Variants in UGT1A5 observed in about 807,000 individuals in gnomAD.
The protein encoded by UGT1A5 is UDP-glucuronosyltransferase 1A5.
UGT1A5 carries 29 observed loss-of-function variants against 40.3 expected under a neutral mutation model. The ratio of observed to expected loss-of-function variants is 0.72; its 90% CI spans 0.54 to 0.98. The LOEUF (loss-of-function observed/expected upper bound fraction) is 0.98, where lower values mean the gene tolerates loss of function less well. Ranked by LOEUF, UGT1A5 falls within the 50% of genes least tolerant of loss-of-function variation. The pLI, the probability that UGT1A5 is intolerant of heterozygous loss-of-function variation, is 0.00. For synonymous variants in UGT1A5, 257 were observed against 262.5 expected (o/e 0.98, Z 0.20); for missense variants, 678 against 677.9 (o/e 1.00, Z 0.00).
At chr2:233,729,140 T>C (rs764216877) in intron 1 of UGT1A5, 7 of 1,613,266 alleles carry the variant, frequency 4.3e-6, no homozygotes, top group East Asian at 2.2e-5. Context: ...GCCACAGGAC[T>C]CCAGGTTCCC....
At chr2:233,716,635 G>A (rs977802865) in intron 1 of UGT1A5, among the ~76,000 whole-genome samples, 5 of 151,972 alleles carry the variant, frequency 3.3e-5, no homozygotes, top group African/African-American at 4.8e-5. Context: ...AGTTTTTATC[G>A]TTTGTACTTT....
chr2:233,755,271 C>CATAG, intron 1 of UGT1A5: 1 of 755,820 alleles, frequency 1.3e-6, no homozygotes. Flanking sequence ...GTCCACTATG[C>CATAG]TGGACTGCCA....
intron 4 of UGT1A5, chr2:233,770,796 T>G (rs1486074516): frequency 6.6e-6 from 1 of 152,204 alleles, no homozygotes; most frequent in Non-Finnish European, 1.5e-5. Context: ...TATAGATATG[T>G]TTAAAGACAG....
At chr2:233,755,943 TC>T (rs1252557190) in intron 1 of UGT1A5, 1 of 62,766 alleles carries the variant, frequency 1.6e-5, no homozygotes, top group African/African-American at 8.0e-5. Context: ...TTTTTGCATC[TC>T]TCTCTTTAGT....
intron 1 of UGT1A5, among the ~76,000 whole-genome samples, chr2:233,748,384 T>C (rs546137113): frequency 6.6e-6 from 1 of 151,886 alleles, no homozygotes; most frequent in South Asian, 2.1e-4. Context: ...ATGTCCTTCA[T>C]TGGGAAGGAG....
intron 1 of UGT1A5, chr2:233,729,369 C>T (rs552638090): frequency 1.4e-5 from 23 of 1,613,926 alleles, no homozygotes; most frequent in Non-Finnish European, 1.8e-5. Flanking sequence ...CAACCTATGC[C>T]ATTTCGTGGA....
At chr2:233,731,048 G>A (rs1354846386) in intron 1 of UGT1A5, among the ~76,000 whole-genome samples, 4 of 152,194 alleles carry the variant, frequency 2.6e-5, no homozygotes, top group African/African-American at 9.7e-5. Context: ...TTCACCGAAT[G>A]TGTATGAACT....
rs1301858882 is a variant in UGT1A5 at position 233,760,759 on chromosome 2, C to T, written c.868-6275C>T. 2.5e-6 allele frequency: 4 copies of T among 1,613,948 alleles called. No homozygotes were observed. In the African/African-American group the frequency reaches 4.0e-5, roughly 16 times the overall value. On this transcript the variant is annotated intron_variant, in intron 1 of 4. Transcript: ENST00000373414. Reference sequence around the variant, plus strand: ...GACGGACCCTTTCCTTCCTTGCAGCCCCATCGTGGCCCAGTACCTGTCTCT... The same window carrying T: ...GACGGACCCTTTCCTTCCTTGCAGCTCCATCGTGGCCCAGTACCTGTCTCT...
rs563709972 is a variant in UGT1A5, at chr2:233,755,474, T to C, written c.868-11560T>C. On this transcript the variant is annotated intron_variant, in intron 1 of 4. Coordinates refer to ENST00000373414, the MANE Select transcript of UGT1A5 (RefSeq NM_019078.2). ...GGACTGGCCCTGCTCTCTGTGAGGCTCTGTGAGGCCCTGTGATGCTCCAAG... is the reference window on the plus strand; with the variant it reads ...GGACTGGCCCTGCTCTCTGTGAGGCCCTGTGAGGCCCTGTGATGCTCCAAG... 5.5e-5 allele frequency: 13 copies of C among 237,114 alleles called. 1 individual carries two copies. The South Asian group carries it at 7.1e-4, about 13-fold the overall frequency. The allele number at this position is 237,114 out of a possible 1,614,324, so 14.7% of individuals were successfully genotyped here.
At position 233,713,863 on chromosome 2, in the gene UGT1A5, G is replaced by A; in HGVS notation, c.867+5G>A. 6.2e-7 allele frequency: 1 copy of A among 1,613,884 alleles called. No individual in the cohort carries two copies. The highest frequency in any genetic ancestry group is 8.5e-7 in the Non-Finnish European group (1 of 1,179,938). On this transcript the variant is annotated splice_donor_5th_base_variant and intron_variant, in intron 1 of 4. Transcript: ENST00000373414. ...AACGGGAAGCCACTATCTCAGGTCTGTATTGGTGCCTTTATCCAATCAATG... is the reference window on the plus strand; with the variant it reads ...AACGGGAAGCCACTATCTCAGGTCTATATTGGTGCCTTTATCCAATCAATG...
intron 1 of UGT1A5, among the ~76,000 whole-genome samples, chr2:233,736,722 G>A (rs149071654): frequency 0.034 from 5,130 of 151,780 alleles, 99 homozygotes; most frequent in African/African-American, 0.051. Flanking sequence ...CCTTTTTGTT[G>A]ATGTTTATGC....
At chr2:233,771,550 T>G (rs1700326393) in intron 4 of UGT1A5, 1 of 152,254 alleles carries the variant, frequency 6.6e-6, no homozygotes, top group Non-Finnish European at 1.5e-5. Flanking sequence ...TACAAATGGC[T>G]GTTAATTTGG....
intron 1 of UGT1A5, among the ~76,000 whole-genome samples, chr2:233,749,626 A>G (rs377692778): frequency 5.9e-5 from 9 of 151,982 alleles, no homozygotes; most frequent in South Asian, 4.2e-4. Context: ...TTGGCTCTGT[A>G]TCCCCCACCA....
Position 233,772,339 on chromosome 2 carries a change from G to C in UGT1A5, c.1385G>C (p.Trp462Ser), listed in dbSNP as rs1424603943. 4.3e-6 allele frequency: 7 copies of C among 1,614,256 alleles called. No individual in the cohort carries two copies. Among genetic ancestry groups the C allele is most frequent in the Non-Finnish European group, 5.9e-6 (7 of 1,180,038 alleles). ...GAGCCGCTGGACCTGGCCGTGTTCT[G>C]GGTGGAGTTTGTGATGAGGCACAAG... ...PVEPLDLAVF[W>S]VEFVMRHKGA... is the part of the protein sequence containing the mutation. The change falls in exon 5 of 5, where the codon TGG becomes TCG. Residue 462 changes from tryptophan to serine, a missense_variant. Transcript: ENST00000373414.
At chr2:233,766,233 G>A (rs1441393259) in intron 1 of UGT1A5, among the ~76,000 whole-genome samples, 4 of 152,090 alleles carry the variant, frequency 2.6e-5, no homozygotes, top group African/African-American at 9.7e-5. Context: ...AATGGGAAGG[G>A]TTTCCCCTGG....
At chr2:233,721,350 A>C (rs2076940105) in intron 1 of UGT1A5, among the ~76,000 whole-genome samples, 1 of 152,142 alleles carries the variant, frequency 6.6e-6, no homozygotes, top group Non-Finnish European at 1.5e-5. Context: ...TATATTCTTT[A>C]GACTGAACTG....
At chr2:233,719,203 G>A (rs145806554) in intron 1 of UGT1A5, 5 of 1,614,242 alleles carry the variant, frequency 3.1e-6, no homozygotes, top group Middle Eastern at 3.3e-4. Context: ...CATAGGTGTT[G>A]TGTGGAGCTA....
intron 1 of UGT1A5, chr2:233,755,013 G>A (rs1255177181): frequency 7.7e-7 from 1 of 1,294,530 alleles, no homozygotes; most frequent in Admixed American, 1.9e-5. Flanking sequence ...CTACTCGAAG[G>A]GGTCCTTGAA....
intron 1 of UGT1A5, among the ~76,000 whole-genome samples, chr2:233,742,284 C>G (rs1006206335): frequency 6.6e-6 from 1 of 151,974 alleles, no homozygotes. Context: ...AGCATCATTT[C>G]TATAGATTAT....
Sources: gnomAD v4.1 joint callset for allele counts (sites outside exome capture counted in the v4.1 genomes callset) on GRCh38, gnomAD v4.1.1 for gene constraint, MANE v1.5 for transcripts, NCBI Gene and HGNC (gene_info 2026-07-23, HGNC 2026-07-21) for gene names.